CALB2: variants seen among roughly 807,000 people sequenced by gnomAD.
The protein encoded by CALB2 is calbindin 2, also known as calretinin.
A neutral mutation model predicts 45.9 loss-of-function variants in CALB2; 34 were observed. The observed-to-expected ratio is 0.74, with a 90% CI of 0.56 to 0.99. The LOEUF is 0.99. Ranked by LOEUF, CALB2 falls within the 50% of genes least tolerant of loss-of-function variation. The pLI is 0.00. For synonymous variants in CALB2, 142 were observed against 129.6 expected (o/e 1.10, Z -0.65); for missense variants, 344 against 339.3 (o/e 1.01, Z -0.11).
In CALB2 at chr16:71,358,781, G is replaced by C. The variant is rs752173653; in HGVS notation, c.-12G>C. 11 of 1,599,972 alleles carry C rather than the reference G, an allele frequency of 6.9e-6. No homozygotes were observed. In the Admixed American group the frequency reaches 1.9e-4, roughly 27 times the overall value. ...GGGAGCGGTGCAGGCTGAGGTCTCCGAGCGGCTCGCCATGGCTGGCCCGCA... is the reference window on the plus strand; with the variant it reads ...GGGAGCGGTGCAGGCTGAGGTCTCCCAGCGGCTCGCCATGGCTGGCCCGCA... On this transcript the variant is annotated 5_prime_UTR_variant, in exon 1 of 11. Transcript: ENST00000302628.
chr16:71,372,249 C>T lies in CALB2; in HGVS notation c.171+20C>T, dbSNP rs370598908. The T allele has an allele frequency of 8.7e-5, 139 of 1,590,438 alleles. No individual in the cohort carries two copies. Among genetic ancestry groups the T allele is most frequent in the East Asian group, 2.0e-4 (9 of 44,618 alleles). ...GGCATGGTAAGCCCAGCCCTGTCTC[C>T]GATTGTGTGGGATTTTCCTGACCTA... On this transcript the variant is annotated intron_variant, in intron 2 of 10. Transcript: ENST00000302628.
In CALB2 at chr16:71,377,707, G is replaced by A; in HGVS notation, c.302G>A (p.Cys101Tyr). 6.2e-7 allele frequency: 1 copy of A among 1,614,048 alleles called. No homozygotes were observed. The highest frequency in any genetic ancestry group is 8.5e-7 in the Non-Finnish European group (1 of 1,179,972). The change falls in exon 4 of 11, where the codon TGC becomes TAC. Residue 101 changes from cysteine (C) to tyrosine (Y), a missense_variant. Transcript: ENST00000302628. ...ILPTEENFLL[C>Y]FRQHVGSSAE... ...CCAACCGAAGAGAACTTCCTTCTGT[G>A]CTTCAGGCAGCACGTGGGCTCCAGC...
chr16:71,361,503 A>G (rs1339938851), intron 1 of CALB2, among the ~76,000 whole-genome samples: 1 of 152,120 alleles, frequency 6.6e-6, no homozygotes, highest in Admixed American at 6.5e-5. Flanking sequence ...AGTACCCCCT[A>G]CCACTCACAA....
intron 10 of CALB2, 112 bp downstream of exon 10, chr16:71,385,760 C>T: frequency 1.5e-6 from 1 of 666,052 alleles, no homozygotes; most frequent in Non-Finnish European, 2.4e-6. Flanking sequence ...TCTGATCTGC[C>T]ACAGCAAGGC....
chr16:71,384,485 C>G (rs1449368738), intron 8 of CALB2, 107 bp downstream of exon 8: 1 of 884,166 alleles, frequency 1.1e-6, no homozygotes, highest in African/African-American at 1.7e-5. Flanking sequence ...CACACCCACA[C>G]ACACCACACA....
intron 1 of CALB2, among the ~76,000 whole-genome samples, chr16:71,360,576 T>C (rs1165659628): frequency 1.3e-5 from 2 of 152,202 alleles, no homozygotes; most frequent in Admixed American, 1.3e-4. Flanking sequence ...TCAAGGAAAG[T>C]TACCAAGCAG....
rs564639746 is a variant in CALB2, at chr16:71,388,379, A to C, written c.700-1370A>C. Among the ~76,000 whole-genome samples, 6 of 152,086 alleles carry C rather than the reference A, an allele frequency of 3.9e-5. No individual in the cohort carries two copies. The South Asian group carries it at 1.2e-3, about 32-fold the overall frequency. ...AAAAGAAAAAGAAAAAGAAAAAAGA[A>C]AAAAGAGGGATAGAGTGGGGGAGAA... On this transcript the variant is annotated intron_variant, in intron 10 of 10. Coordinates refer to ENST00000302628, the MANE Select transcript of CALB2 (RefSeq NM_001740.5).
chr16:71,359,567 G>A (rs2042217578), intron 1 of CALB2, among the ~76,000 whole-genome samples: 1 of 152,152 alleles, frequency 6.6e-6, no homozygotes. Context: ...TCATCTCTGG[G>A]TAGGGGGAGG....
chr16:71,377,759 G>T lies in CALB2; in HGVS notation c.342+12G>T, dbSNP rs749119287. ...CCGAGTTTATGGAGGTGAGGCCAAG[G>T]CACCACCTTCTTTCTAAGCACTGGG... is the stretch of plus-strand genomic sequence containing the variant. On this transcript the variant is annotated intron_variant, in intron 4 of 10. Coordinates refer to ENST00000302628, the MANE Select transcript of CALB2 (RefSeq NM_001740.5). 6.2e-7 allele frequency: 1 copy of T among 1,604,524 alleles called. No homozygotes were observed. The highest frequency in any genetic ancestry group is 1.3e-5 in the African/African-American group (1 of 74,730).
chr16:71,372,155 A>C lies in CALB2; in HGVS notation c.97A>C (p.Asn33His). The part of the protein sequence containing the change: ...EIWKHFDADG[N>H]GYIEGKELEN... The stretch of plus-strand genomic sequence containing the variant: ...ATTTTTTCTCTCTCTTTTTACAGGA[A>C]ATGGGTATATTGAAGGTAAAGAGCT... The change falls in exon 2 of 11, where the codon AAT becomes CAT. Residue 33 changes from asparagine to histidine, a missense_variant and splice_region_variant. Around this residue, in one of 3 missense-constraint regions of CALB2, gnomAD observed 77 missense variants for 80.5 expected, o/e 0.96. Transcript: ENST00000302628. The C allele has an allele frequency of 6.2e-7, 1 of 1,603,786 alleles. No homozygotes were observed. The highest frequency in any genetic ancestry group is 8.5e-7 in the Non-Finnish European group (1 of 1,171,654).
chr16:71,368,612 G>A (rs533936970), intron 1 of CALB2, among the ~76,000 whole-genome samples: 4 of 152,330 alleles, frequency 2.6e-5, no homozygotes, highest in African/African-American at 9.6e-5. Flanking sequence ...CCCTGGCTGT[G>A]TGGTCCTGAG....
intron 1 of CALB2, among the ~76,000 whole-genome samples, chr16:71,359,771 CTG>C (rs1346818310): frequency 1.3e-5 from 2 of 152,190 alleles, no homozygotes; most frequent in South Asian, 2.1e-4. Flanking sequence ...ACTAGAGACT[CTG>C]TTTCTGTTAC....
At chr16:71,371,108 TTAATTA>T (rs2042345820) in intron 1 of CALB2, among the ~76,000 whole-genome samples, 1 of 152,182 alleles carries the variant, frequency 6.6e-6, no homozygotes, top group Non-Finnish European at 1.5e-5. Context: ...AAAATCCTGT[TTAATTA>T]TAATAACCCA....
At chr16:71,383,494 C>T (rs746414640) in intron 6 of CALB2, 50 bp downstream of exon 6, 2 of 1,535,534 alleles carry the variant, frequency 1.3e-6, no homozygotes, top group Non-Finnish European at 1.8e-6. Flanking sequence ...ACTTGTGCCC[C>T]AAGCCACTTG....
chr16:71,388,955 G>A (rs926910870), intron 10 of CALB2, among the ~76,000 whole-genome samples: 5 of 142,036 alleles, frequency 3.5e-5, no homozygotes, highest in Admixed American at 7.5e-5. Flanking sequence ...CCAAGATCAC[G>A]TCACTTCCCT....
At position 71,370,901 on chromosome 16, in the gene CALB2, G is replaced by A. The variant is rs148847888; in HGVS notation, c.95-1252G>A. Among the ~76,000 whole-genome samples, 730 of 152,198 alleles carry A rather than the reference G, an allele frequency of 4.8e-3. 20 individuals carry two copies. The highest frequency in any genetic ancestry group is 0.027 in the Admixed American group (406 of 15,278). On this transcript the variant is annotated intron_variant, in intron 1 of 10. Coordinates refer to ENST00000302628, the MANE Select transcript of CALB2 (RefSeq NM_001740.5). ...TCCTGGTCTCTAGTAGACCATCCAG[G>A]CTCAAGGCGTGAGAGCCTAAAGGAC...
At chr16:71,369,447 A>T (rs1178018721) in intron 1 of CALB2, among the ~76,000 whole-genome samples, 5 of 152,130 alleles carry the variant, frequency 3.3e-5, no homozygotes, top group African/African-American at 4.8e-5. Flanking sequence ...AACATGAAGG[A>T]CCTGGTGCAA....
chr16:71,385,877 A>G (rs1598177187), intron 10 of CALB2, among the ~76,000 whole-genome samples: 2 of 152,350 alleles, frequency 1.3e-5, no homozygotes, highest in Admixed American at 6.5e-5. Flanking sequence ...CACAGGACAG[A>G]AAGCTTACCA....
chr16:71,383,930 T>A, intron 6 of CALB2, 40 bp from the exon 7 acceptor site: 1 of 1,611,370 alleles, frequency 6.2e-7, no homozygotes, highest in African/African-American at 1.3e-5. Context: ...GTCAGAGAAA[T>A]TCACAGCAAA....
Sources: allele counts gnomAD v4.1 joint callset (sites outside exome capture counted in the v4.1 genomes callset), GRCh38; gene constraint gnomAD v4.1.1; regional missense constraint gnomAD v4.1.1; transcripts MANE v1.5; gene names NCBI Gene and HGNC (gene_info 2026-07-23, HGNC 2026-07-21).